ST6GAL1: variants seen among roughly 807,000 people sequenced by gnomAD.
ST6GAL1 encodes the protein beta-galactoside alpha-2,6-sialyltransferase 1.
ST6GAL1 carries 20 observed loss-of-function variants against 38.0 expected under a neutral mutation model. The ratio of observed to expected loss-of-function variants is 0.53; its 90% CI spans 0.37 to 0.77. The LOEUF (loss-of-function observed/expected upper bound fraction) is 0.77. ST6GAL1 is among the 30% of genes least tolerant of loss of function. The probability of loss-of-function intolerance (pLI) is 0.00; values close to 1 mark genes in which losing one functional copy is unlikely to be tolerated. For missense variants in ST6GAL1, 432 were observed against 496.4 expected, an observed-to-expected ratio of 0.87 and a Z score of 1.23; for synonymous variants, 196 against 188.2, an observed-to-expected ratio of 1.04 and a Z score of -0.34.
chr3:187,075,570 A>G lies in ST6GAL1; in HGVS notation c.988A>G (p.Ile330Val), dbSNP rs750360040. 1.2e-6 allele frequency: 2 copies of G among 1,614,144 alleles called. No homozygotes were observed. Among genetic ancestry groups the G allele is most frequent in the Non-Finnish European group, 1.7e-6 (2 of 1,179,984 alleles). ...PPSSGMLGII[I>V]MMTLCDQVDI... ...TCTGCTCCCCTCTCCAGGTATCATC[A>G]TCATGATGACGCTGTGTGACCAGGT... is the stretch of plus-strand genomic sequence containing the variant. Residue 330 changes from isoleucine to valine, a missense_variant, in exon 8 of 8, where the codon ATC (isoleucine) becomes GTC (valine). Ile to Val is a conservative substitution (Grantham distance 29, BLOSUM62 3). Transcript: ENST00000169298. This position sits in a 1 kb window ranked among gnomAD's most constrained non-coding sequence, Gnocchi z 4.1.
intron 2 of ST6GAL1, among the ~76,000 whole-genome samples, chr3:187,024,384 C>T (rs982844796): frequency 9.3e-5 from 14 of 151,112 alleles, no homozygotes; most frequent in Non-Finnish European, 1.3e-4. Context: ...TGAGCCACCG[C>T]GCCCAGCCTA....
In ST6GAL1 at chr3:186,930,844, G is replaced by C. The variant is rs572629479; in HGVS notation, c.-325+10G>C. 6.6e-6 allele frequency: 1 copy of C among 152,670 alleles called. No homozygotes were observed. The highest frequency in any genetic ancestry group is 2.4e-5 in the African/African-American group (1 of 41,474). The allele number at this position is 152,670 out of a possible 1,614,324, so 9.5% of individuals were successfully genotyped here. On this transcript the variant is annotated intron_variant, in intron 1 of 7. Coordinates refer to ENST00000169298, the MANE Select transcript of ST6GAL1 (RefSeq NM_173216.2). ...GCCGAGAGTGCAGCGAGTGAGTAGG[G>C]GGTGCGGTGGGCGGCGGCGCGGCCC...
At chr3:186,994,214 AG>A (rs1716285134) in intron 2 of ST6GAL1, among the ~76,000 whole-genome samples, 1 of 152,222 alleles carries the variant, frequency 6.6e-6, no homozygotes, top group African/African-American at 2.4e-5. Context: ...CAGTTCTGAC[AG>A]CCTCTTGATC....
chr3:186,940,592 G>A (rs1714132890), intron 1 of ST6GAL1, among the ~76,000 whole-genome samples: 2 of 152,138 alleles, frequency 1.3e-5, no homozygotes, highest in African/African-American at 2.4e-5. Context: ...GCGTTTTTTT[G>A]TGTTTTTCTT....
At chr3:187,024,903 G>T (rs1480581305) in intron 2 of ST6GAL1, 1 of 152,044 alleles carries the variant, frequency 6.6e-6, no homozygotes, top group African/African-American at 2.4e-5. Context: ...AACATTTAAA[G>T]GTGGGTTGGA....
chr3:186,981,655 G>C, intron 2 of ST6GAL1, among the ~76,000 whole-genome samples: 1 of 152,128 alleles, frequency 6.6e-6, no homozygotes, highest in East Asian at 1.9e-4. Context: ...GAATTCTCAA[G>C]GTCCATTTTT....
intron 2 of ST6GAL1, among the ~76,000 whole-genome samples, chr3:186,993,369 C>T (rs1277577888): frequency 6.6e-6 from 1 of 152,156 alleles, no homozygotes; most frequent in African/African-American, 2.4e-5. Flanking sequence ...GTACGTCTTT[C>T]ATTCTAAACA....
At chr3:186,958,972 A>T (rs56350519) in intron 1 of ST6GAL1, among the ~76,000 whole-genome samples, 78,048 of 108,546 alleles carry the variant, frequency 0.72, 24,836 homozygotes, top group Middle Eastern at 0.8. Context: ...AAAAAATTAA[A>T]TAAATAAATA....
rs11363479 is a variant in ST6GAL1, at chr3:187,047,253, G to GTT, written c.607+3956_607+3957dup. Among the ~76,000 whole-genome samples, 1,430 of 146,062 alleles carry GTT rather than the reference G, an allele frequency of 9.8e-3. 23 individuals are homozygous for GTT. The highest frequency in any genetic ancestry group is 0.033 in the African/African-American group (1,330 of 40,340). On this transcript the variant is annotated intron_variant, in intron 4 of 7. Coordinates refer to ENST00000169298, the MANE Select transcript of ST6GAL1 (RefSeq NM_173216.2). The stretch of plus-strand genomic sequence containing the variant: ...AGCCACCGCGCCCGGCCAAGTCATA[G>GTT]TTTTTTTTTTTTTTAACTCTGATCT...
chr3:186,997,965 G>A (rs1198083508), intron 2 of ST6GAL1, among the ~76,000 whole-genome samples: 1 of 151,930 alleles, frequency 6.6e-6, no homozygotes, highest in Admixed American at 6.6e-5. Context: ...AGCAAAAAGA[G>A]GCCGGGCATG....
chr3:186,983,028 C>CT (rs1465179510), intron 2 of ST6GAL1, among the ~76,000 whole-genome samples: 8 of 152,060 alleles, frequency 5.3e-5, no homozygotes, highest in African/African-American at 1.9e-4. Flanking sequence ...TATTTGGCTG[C>CT]TTTGTTTTCT....
intron 4 of ST6GAL1, among the ~76,000 whole-genome samples, chr3:187,050,530 AAGAAAG>A (rs1428785602): frequency 1.2e-5 from 1 of 82,196 alleles, no homozygotes; most frequent in Non-Finnish European, 2.3e-5. Context: ...ATGGCTTACA[AAGAAAG>A]AGAGAGAGAG....
At chr3:186,971,317 C>G (rs541469165) in intron 2 of ST6GAL1, among the ~76,000 whole-genome samples, 1 of 152,236 alleles carries the variant, frequency 6.6e-6, no homozygotes, top group Non-Finnish European at 1.5e-5. Context: ...AGTCTGGTCT[C>G]GAACTCCTGA....
At chr3:187,055,466 C>T (rs1281927384) in intron 5 of ST6GAL1, among the ~76,000 whole-genome samples, 1 of 152,158 alleles carries the variant, frequency 6.6e-6, no homozygotes, top group Non-Finnish European at 1.5e-5. Flanking sequence ...TCCCTCTACA[C>T]ATGGCTTTAA....
At chr3:186,975,754 T>G (rs1715500634) in intron 2 of ST6GAL1, among the ~76,000 whole-genome samples, 1 of 152,110 alleles carries the variant, frequency 6.6e-6, no homozygotes, top group Admixed American at 6.5e-5. Flanking sequence ...GAGAGAGACT[T>G]CCAGAGAGGG....
intron 2 of ST6GAL1, among the ~76,000 whole-genome samples, chr3:187,010,915 C>T (rs1325505847): frequency 6.6e-6 from 1 of 152,142 alleles, no homozygotes; most frequent in African/African-American, 2.4e-5. Flanking sequence ...AACTAGACCC[C>T]CCTCCCCTTT....
chr3:186,976,725 C>T (rs893704211), intron 2 of ST6GAL1, among the ~76,000 whole-genome samples: 2 of 152,316 alleles, frequency 1.3e-5, no homozygotes, highest in East Asian at 3.9e-4. Context: ...CCACTGTGCC[C>T]GGCCTTAATT....
intron 1 of ST6GAL1, among the ~76,000 whole-genome samples, chr3:186,959,152 G>A (rs1034210718): frequency 1.3e-5 from 2 of 152,096 alleles, no homozygotes; most frequent in South Asian, 4.1e-4. Context: ...TGGAAATTTT[G>A]CATATGGCAA....
At chr3:187,047,362 A>G (rs1457305761) in intron 4 of ST6GAL1, among the ~76,000 whole-genome samples, 2 of 152,132 alleles carry the variant, frequency 1.3e-5, no homozygotes, top group African/African-American at 2.4e-5. Context: ...ACTTGAAAAT[A>G]TAAAAGCGTT....
Sources: gnomAD v4.1 joint callset for allele counts (sites outside exome capture counted in the v4.1 genomes callset) on GRCh38, gnomAD v4.1.1 for gene constraint, Gnocchi (gnomAD v3.1) non-coding constraint, MANE v1.5 for transcripts, NCBI Gene and HGNC (gene_info 2026-07-23, HGNC 2026-07-21) for gene names.